The following C8orf34 variants were observed in gnomAD, a reference collection of about 807,000 sequenced individuals.
C8orf34 encodes chromosome 8 open reading frame 34.
Under a neutral mutation model 68.3 loss-of-function variants are expected in C8orf34, and 65 were observed. The observed-to-expected ratio is 0.95, with a 90% CI of 0.78 to 1.17. The LOEUF is 1.17. Ranked by LOEUF, C8orf34 falls within the 50% of genes most tolerant of loss-of-function variation. The pLI is 0.00. For missense variants in C8orf34, 664 were observed against 655.4 expected, an observed-to-expected ratio of 1.01 and a Z score of -0.14; for synonymous variants, 244 against 241.2, an observed-to-expected ratio of 1.01 and a Z score of -0.11.
chr8:68,669,989 G>A (rs1310954135), intron 8 of C8orf34, among the ~76,000 whole-genome samples: 2 of 152,150 alleles, frequency 1.3e-5, no homozygotes. Flanking sequence ...CCAGACACAA[G>A]ATTTGATCTT....
intron 7 of C8orf34, among the ~76,000 whole-genome samples, chr8:68,632,592 A>G (rs895981165): frequency 2.0e-5 from 3 of 152,124 alleles, no homozygotes; most frequent in African/African-American, 7.2e-5. Flanking sequence ...CCTCCAGGGC[A>G]TGTCAGAGAT....
chr8:68,515,275 T>C (rs1306751020), intron 5 of C8orf34, among the ~76,000 whole-genome samples: 1 of 152,072 alleles, frequency 6.6e-6, no homozygotes, highest in Non-Finnish European at 1.5e-5. Context: ...TTTTTTTTTT[T>C]GTCTTTTTCC....
intron 1 of C8orf34, among the ~76,000 whole-genome samples, chr8:68,396,753 CCT>C (rs755355343): frequency 4.2e-5 from 6 of 143,016 alleles, no homozygotes; most frequent in Admixed American, 2.1e-4. Flanking sequence ...CCTGGTGCCT[CCT>C]CTCTCTCTCT....
rs2591023 is a variant in C8orf34, at chr8:68,419,839, A to T, written c.328-19660A>T. ...TCTGGGGACTGTTGTGGGGTGGGGG[A>T]AGGGGGGAGGGATGGCATTGGGAGA... On this transcript the variant is annotated intron_variant, in intron 1 of 13. Transcript: ENST00000518698. Among the ~76,000 whole-genome samples the T allele has an allele frequency of 2.0e-4, 19 of 94,346 alleles. 1 individual carries two copies. Among genetic ancestry groups the T allele is most frequent in the Non-Finnish European group, 1.8e-4 (9 of 49,794 alleles). The allele number at this position is 94,346 out of a possible 152,430, so 61.9% of individuals were successfully genotyped here. A position where few individuals can be genotyped will look rare whatever the true frequency, so the allele number is the denominator to read the frequency against.
intron 7 of C8orf34, among the ~76,000 whole-genome samples, chr8:68,635,928 G>A (rs760648462): frequency 2.0e-5 from 3 of 152,150 alleles, no homozygotes; most frequent in Non-Finnish European, 4.4e-5. Context: ...ATGAAAACAA[G>A]CAGAGAATAT....
Position 68,405,132 on chromosome 8 carries a change from G to A in C8orf34, c.328-34367G>A, listed in dbSNP as rs1404292446. ...GTATTTTATTCTTTTTGTAGCAAAT[G>A]TGAATGGGAGTACATTCTTAAGATG... On this transcript the variant is annotated intron_variant, in intron 1 of 13. Coordinates refer to ENST00000518698, the MANE Select transcript of C8orf34 (RefSeq NM_052958.4). 2.0e-5 allele frequency among the ~76,000 whole-genome samples: 3 copies of A among 152,132 alleles called. No homozygotes were observed. In the East Asian group the frequency reaches 5.8e-4, roughly 29 times the overall value.
At chr8:68,673,681 T>C (rs1209702492) in intron 8 of C8orf34, among the ~76,000 whole-genome samples, 1 of 152,116 alleles carries the variant, frequency 6.6e-6, no homozygotes, top group East Asian at 1.9e-4. Context: ...AAAACATCTG[T>C]GGATCCTCAT....
intron 4 of C8orf34, among the ~76,000 whole-genome samples, chr8:68,486,278 T>G (rs1813074847): frequency 6.6e-6 from 1 of 152,130 alleles, no homozygotes; most frequent in African/African-American, 2.4e-5. Flanking sequence ...GAGTTCTCCA[T>G]CACGGTTCAC....
intron 8 of C8orf34, among the ~76,000 whole-genome samples, chr8:68,685,232 T>G (rs1820480434): frequency 1.3e-5 from 2 of 152,136 alleles, no homozygotes; most frequent in Non-Finnish European, 2.9e-5. Flanking sequence ...CTTCATTATC[T>G]CTTTAGACAA....
At chr8:68,542,207 G>T (rs1815725978) in intron 7 of C8orf34, among the ~76,000 whole-genome samples, 1 of 152,176 alleles carries the variant, frequency 6.6e-6, no homozygotes, top group African/African-American at 2.4e-5. Context: ...CAGTGGGAAT[G>T]GAATGTGCAG....
At chr8:68,465,276 G>A (rs1367794169) in intron 3 of C8orf34, among the ~76,000 whole-genome samples, 1 of 151,298 alleles carries the variant, frequency 6.6e-6, no homozygotes, top group Admixed American at 6.6e-5. Context: ...AGTTAGAATG[G>A]CAATCATTAA....
intron 2 of C8orf34, among the ~76,000 whole-genome samples, chr8:68,442,203 G>T (rs1810938896): frequency 6.6e-6 from 1 of 152,050 alleles, no homozygotes; most frequent in Non-Finnish European, 1.5e-5. Context: ...GGGTCAGATA[G>T]GGAAGATTGA....
At chr8:68,809,436 T>C (rs951534647) in intron 12 of C8orf34, among the ~76,000 whole-genome samples, 38 of 152,086 alleles carry the variant, frequency 2.5e-4, no homozygotes, top group African/African-American at 8.9e-4. Context: ...AGTTCATAGG[T>C]GATATATTTG....
rs535776728 is a variant in C8orf34, at chr8:68,609,941, G to A, written c.1106-30435G>A. 2.2e-4 allele frequency among the ~76,000 whole-genome samples: 34 copies of A among 152,122 alleles called. 1 individual carries two copies. Among genetic ancestry groups the A allele is most frequent in the Non-Finnish European group, 2.8e-4 (19 of 68,008 alleles). ...AGCAAAAGACGTGGAACAGAAGGGA[G>A]TTTCTGCCAATTCCAAGATTCACCC... On this transcript the variant is annotated intron_variant, in intron 7 of 13. Transcript: ENST00000518698.
chr8:68,625,470 A>T, intron 7 of C8orf34: 1 of 568,682 alleles, frequency 1.8e-6, no homozygotes, highest in Non-Finnish European at 3.2e-6. Context: ...AGAAAATGAA[A>T]CAGAATTGAA....
At chr8:68,439,327 G>A in intron 1 of C8orf34, 172 bp from the exon 2 acceptor site, 1 of 527,564 alleles carries the variant, frequency 1.9e-6, no homozygotes, top group South Asian at 3.5e-5. Context: ...TGTTTCCTCA[G>A]AATGAGGGCA....
chr8:68,470,033 G>C (rs1212782763), intron 4 of C8orf34, among the ~76,000 whole-genome samples: 1 of 151,670 alleles, frequency 6.6e-6, no homozygotes, highest in African/African-American at 2.4e-5. Context: ...ACCCCTTTCA[G>C]AAGTTAAGCT....
intron 1 of C8orf34, among the ~76,000 whole-genome samples, chr8:68,407,573 T>C (rs780109914): frequency 6.3e-4 from 96 of 152,202 alleles, no homozygotes; most frequent in Non-Finnish European, 1.2e-3. Context: ...ATGGGTCTGT[T>C]CGTGAATTCT....
chr8:68,399,091 G>A (rs1808842251), intron 1 of C8orf34, among the ~76,000 whole-genome samples: 1 of 152,098 alleles, frequency 6.6e-6, no homozygotes, highest in African/African-American at 2.4e-5. Context: ...GGATGAAACT[G>A]TATTTATTAG....
Sources: gnomAD v4.1 joint callset for allele counts (sites outside exome capture counted in the v4.1 genomes callset) on GRCh38, gnomAD v4.1.1 for gene constraint, MANE v1.5 for transcripts, NCBI Gene and HGNC (gene_info 2026-07-23, HGNC 2026-07-21) for gene names.